Variants in AMY2B observed in about 807,000 individuals in gnomAD.
AMY2B encodes alpha-amylase 2B.
A neutral mutation model predicts 59.3 loss-of-function variants in AMY2B; 63 were observed. That is an observed-to-expected ratio of 1.06 (90% CI 0.87 to 1.31). The LOEUF (loss-of-function observed/expected upper bound fraction) is 1.31, where lower values mean the gene tolerates loss of function less well. Ranked by LOEUF, AMY2B falls within the 50% of genes most tolerant of loss-of-function variation. The probability of loss-of-function intolerance (pLI) is 0.00; values close to 1 mark genes in which losing one functional copy is unlikely to be tolerated. For synonymous variants in AMY2B, 180 were observed against 198.1 expected (o/e 0.91, Z 0.77); for missense variants, 635 against 626.7 (o/e 1.01, Z -0.14).
rs773467680 is a variant in AMY2B, at chr1:103,577,580, G to A, written c.1192G>A (p.Val398Ile). Residue 398 changes from valine to isoleucine, a missense_variant, in exon 8 of 10, where the codon GTC (valine) becomes ATC (isoleucine). Transcript: ENST00000684275. ...AGACACTACTTGTGGCAATGACTGG[G>A]TCTGTGAACATCGATGGCGCCAAAT... ...NPDTTCGNDW[V>I]CEHRWRQIRN... is the part of the protein sequence containing the mutation. 4.3e-6 allele frequency: 7 copies of A among 1,611,944 alleles called. No individual in the cohort carries two copies. Among genetic ancestry groups the A allele is most frequent in the Non-Finnish European group, 5.9e-6 (7 of 1,179,814 alleles).
At position 103,579,373 on chromosome 1, in the gene AMY2B, G is replaced by C. The variant is rs1408816786; in HGVS notation, c.1409G>C (p.Gly470Ala). 1 of 1,611,596 alleles carries C rather than the reference G, an allele frequency of 6.2e-7. No homozygotes were observed. Among genetic ancestry groups the C allele is most frequent in the Non-Finnish European group, 8.5e-7 (1 of 1,179,714 alleles). The change falls in exon 10 of 10, where the codon GGA (glycine) becomes GCA (alanine). Residue 470 changes from glycine to alanine, a missense_variant. Gly to Ala is a moderately conservative substitution (Grantham distance 60). Transcript: ENST00000684275. ...GGCACATACTGTGATGTCATTTCTG[G>C]AGATAAAATTAATGGCAATTGCACA... ...PAGTYCDVIS[G>A]DKINGNCTGI...
Position 103,574,266 on chromosome 1 carries a change from G to C in AMY2B, c.751G>C (p.Asp251His). 1.2e-6 allele frequency: 2 copies of C among 1,611,656 alleles called. No homozygotes were observed. The highest frequency in any genetic ancestry group is 2.2e-5 in the South Asian group (2 of 90,980). Reference protein sequence around the residue: ...SKPFIYQEVIDLGGEPIKSSD... With the variant: ...SKPFIYQEVIHLGGEPIKSSD... The stretch of plus-strand genomic sequence containing the variant: ...TTTCCTAATTTTCTACTAGGTAATT[G>C]ATCTGGGTGGTGAGCCAATTAAAAG... The change falls in exon 5 of 10, where the codon GAT (aspartate) becomes CAT (histidine). Residue 251 changes from aspartate to histidine, a missense_variant. Asp to His is a moderately conservative substitution (Grantham distance 81, BLOSUM62 -1). Transcript: ENST00000684275.
chr1:103,573,770 C>T lies in AMY2B; in HGVS notation c.576C>T (p.Ser192=), dbSNP rs751661029. The T allele has an allele frequency of 6.2e-7, 1 of 1,613,746 alleles. No individual in the cohort carries two copies. Among genetic ancestry groups the T allele is most frequent in the Non-Finnish European group, 8.5e-7 (1 of 1,179,748 alleles). ...CACTGGAGAAAGATTATGTGCGTTC[C>T]AAGATTGCCGAATATATGAATCATC... The part of the protein sequence containing the change: ...DLALEKDYVR[S]KIAEYMNHLI... The change falls in exon 4 of 10, where the codon TCC becomes TCT. Residue 192 remains serine, a synonymous_variant. Transcript: ENST00000684275.
Position 103,579,520 on chromosome 1 carries a change from A to T in AMY2B, c.*20A>T, listed in dbSNP as rs368638395. The T allele has an allele frequency of 3.1e-6, 5 of 1,607,024 alleles. No homozygotes were observed. The highest frequency in any genetic ancestry group is 4.2e-6 in the Non-Finnish European group (5 of 1,177,912). On this transcript the variant is annotated 3_prime_UTR_variant, in exon 10 of 10. Coordinates refer to ENST00000684275, the MANE Select transcript of AMY2B (RefSeq NM_001387437.1). ...TTATAAAATTTAAAATTAAATGCAT[A>T]TCCTCAAAACAATAGCCAAGTGTGT...
chr1:103,568,419 T>G (rs1226463223), upstream of AMY2B: 1 of 152,204 alleles, frequency 6.6e-6, no homozygotes, highest in Non-Finnish European at 1.5e-5. Context: ...CCTACTACTA[T>G]ATGCACTATA....
chr1:103,575,100 A>G (rs1652298202), intron 5 of AMY2B, 123 bp from the exon 6 acceptor site: 1 of 1,372,188 alleles, frequency 7.3e-7, no homozygotes, highest in South Asian at 1.4e-5. Context: ...CAGAATAACC[A>G]TTTAATTAGA....
Position 103,577,531 on chromosome 1 carries a change from A to G in AMY2B, c.1143A>G (p.Val381=). The G allele has an allele frequency of 2.5e-6, 4 of 1,611,922 alleles. No homozygotes were observed. The South Asian group carries it at 4.4e-5, about 18-fold the overall frequency. ...DWVGPPNNNG[V]IKEVTINPDT... ...TTGGGCCACCAAATAATAATGGAGT[A>G]ATTAAAGAAGTTACTATTAATCCAG... Residue 381 remains valine (V), a synonymous_variant, in exon 8 of 10, where the codon GTA becomes GTG. Transcript: ENST00000684275.
chr1:103,569,909 A>C (rs970802148), upstream of AMY2B: 18 of 465,466 alleles, frequency 3.9e-5, no homozygotes, highest in South Asian at 3.0e-4. Context: ...AGAGAAGATG[A>C]CTCAGATCAT....
intron 7 of AMY2B, 187 bp from the exon 8 acceptor site, chr1:103,577,303 G>C: frequency 8.7e-7 from 1 of 1,143,030 alleles, no homozygotes; most frequent in Non-Finnish European, 1.2e-6. Context: ...TGGCAAAAGA[G>C]AACCAGAGGA....
intron 4 of AMY2B, 120 bp downstream of exon 4, chr1:103,574,058 TC>T: frequency 6.4e-7 from 1 of 1,553,162 alleles, no homozygotes; most frequent in Non-Finnish European, 8.7e-7. Context: ...AAAATGGTGT[TC>T]TTTAACCTCC....
upstream of AMY2B, chr1:103,570,201 C>T: frequency 2.0e-6 from 1 of 498,324 alleles, no homozygotes; most frequent in African/African-American, 2.0e-5. Flanking sequence ...AGAAACTGTG[C>T]TATGTTGCCC....
At chr1:103,578,132 C>T (rs1652437026) in intron 9 of AMY2B, among the ~76,000 whole-genome samples, 1 of 152,050 alleles carries the variant, frequency 6.6e-6, no homozygotes, top group Non-Finnish European at 1.5e-5. Context: ...ACACATGCCA[C>T]AAAATACACA....
At chr1:103,570,510 C>A (rs1652083693), upstream of AMY2B, 1 of 634,332 alleles carries the variant, frequency 1.6e-6, no homozygotes, top group African/African-American at 1.8e-5. Context: ...CACCCGGGCA[C>A]CTAGCACCAT....
chr1:103,563,091 T>C (rs1301098272), intron 1 of AMY2B, among the ~76,000 whole-genome samples: 1 of 152,062 alleles, frequency 6.6e-6, no homozygotes, highest in African/African-American at 2.4e-5. Context: ...AGTTAATTCT[T>C]GATACCGGAT....
rs548937836 is a variant in AMY2B at position 103,557,388 on chromosome 1, C to T, written c.-207+2279C>T. On this transcript the variant is annotated intron_variant, in intron 1 of 11. Transcript: ENST00000361355. ...GAAAGAGGCCAGGTGCAGTGGCTCACGGCTGTAATCCCAGCACTTTGGGAG... is the reference window on the plus strand; with the variant it reads ...GAAAGAGGCCAGGTGCAGTGGCTCATGGCTGTAATCCCAGCACTTTGGGAG... 3.3e-5 allele frequency among the ~76,000 whole-genome samples: 5 copies of T among 152,140 alleles called. No homozygotes were observed. The South Asian group carries it at 8.3e-4, about 25-fold the overall frequency.
rs1221053304 is a variant in AMY2B, at chr1:103,575,240, G to T, written c.896G>T (p.Trp299Leu). The T allele has an allele frequency of 6.2e-7, 1 of 1,613,590 alleles. No homozygotes were observed. Among genetic ancestry groups the T allele is most frequent in the South Asian group, 1.1e-5 (1 of 91,062 alleles). ...MSYLKNWGEG[W>L]GFMPSDRALV... ...AAAAATAGGAACTGGGGAGAAGGTT[G>T]GGGTTTCATGCCTTCTGACAGAGCA... The change falls in exon 6 of 10, where the codon TGG becomes TTG. Residue 299 changes from tryptophan to leucine, a missense_variant. Transcript: ENST00000684275.
At chr1:103,568,448 C>G (rs1458276475), upstream of AMY2B, 1 of 152,106 alleles carries the variant, frequency 6.6e-6, no homozygotes, top group Non-Finnish European at 1.5e-5. Flanking sequence ...ATGAGTTGAT[C>G]AAGGGGAAAA....
At chr1:103,574,446 G>C (rs1452338211) in intron 5 of AMY2B, 53 bp downstream of exon 5, 4 of 1,606,674 alleles carry the variant, frequency 2.5e-6, no homozygotes, top group Admixed American at 1.7e-5. Flanking sequence ...ATTAGTCATA[G>C]TACCCCAGTG....
Position 103,579,303 on chromosome 1 carries a change from T to C in AMY2B, c.1347-8T>C, listed in dbSNP as rs1425935753. 43 of 1,611,572 alleles carry C rather than the reference T, an allele frequency of 2.7e-5. No individual in the cohort carries two copies. Among genetic ancestry groups the C allele is most frequent in the Admixed American group, 5.0e-5 (3 of 59,990 alleles). The stretch of plus-strand genomic sequence containing the variant: ...TATTGAAGTTAAATCTGAAATTTTA[T>C]TTTACAGGACATTTTCTTTAACTTT... On this transcript the variant is annotated splice_region_variant and splice_polypyrimidine_tract_variant and intron_variant, in intron 9 of 9. Coordinates refer to ENST00000684275, the MANE Select transcript of AMY2B (RefSeq NM_001387437.1).
Sources: gnomAD v4.1 joint callset for allele counts (sites outside exome capture counted in the v4.1 genomes callset) on GRCh38, gnomAD v4.1.1 for gene constraint, MANE v1.5 for transcripts, NCBI Gene and HGNC (gene_info 2026-07-23, HGNC 2026-07-21) for gene names.